SLC25A18: variants seen among roughly 807,000 people sequenced by gnomAD.
SLC25A18 encodes solute carrier family 25 member 18.
SLC25A18 carries 24 observed loss-of-function variants against 31.1 expected under a neutral mutation model. The observed-to-expected ratio is 0.77, with a 90% CI of 0.56 to 1.08. The LOEUF is 1.08. Among genes scored for constraint, SLC25A18 ranks in the 50% least tolerant of loss-of-function variants. SLC25A18 has a pLI of 0.00. For missense variants in SLC25A18, 371 were observed against 418.5 expected, an observed-to-expected ratio of 0.89 and a Z score of 0.99; for synonymous variants, 173 against 161.9, an observed-to-expected ratio of 1.07 and a Z score of -0.52.
intron 1 of SLC25A18, among the ~76,000 whole-genome samples, chr22:17,564,141 G>A (rs1247404240): frequency 6.6e-6 from 1 of 152,222 alleles, no homozygotes; most frequent in Non-Finnish European, 1.5e-5. Flanking sequence ...TGCAGCGCAA[G>A]TAATTATGTC....
At chr22:17,565,168 C>T (rs1396503937) in intron 1 of SLC25A18, among the ~76,000 whole-genome samples, 2 of 152,040 alleles carry the variant, frequency 1.3e-5, no homozygotes, top group Non-Finnish European at 2.9e-5. Flanking sequence ...TAAACTCCGC[C>T]CCCCCGGGTT....
chr22:17,590,300 A>C lies in SLC25A18; in HGVS notation c.*64A>C. ...TCTCTAGCTGTTTCACTTAGCCTAG[A>C]GGGGGCAAGGGCAGGTGGGGCCACT... is the stretch of plus-strand genomic sequence containing the variant. On this transcript the variant is annotated 3_prime_UTR_variant, in exon 11 of 11. Coordinates refer to ENST00000327451, the MANE Select transcript of SLC25A18 (RefSeq NM_031481.3). The C allele has an allele frequency of 6.2e-7, 1 of 1,603,806 alleles. No individual in the cohort carries two copies. The highest frequency in any genetic ancestry group is 8.5e-7 in the Non-Finnish European group (1 of 1,173,766).
At chr22:17,581,642 A>T in intron 5 of SLC25A18, 1 of 553,640 alleles carries the variant, frequency 1.8e-6, no homozygotes, top group Non-Finnish European at 3.2e-6. Context: ...AGAGCAGGCG[A>T]GCCCTCCCTA....
intron 2 of SLC25A18, among the ~76,000 whole-genome samples, chr22:17,576,853 G>T (rs1054636062): frequency 1.3e-5 from 2 of 152,168 alleles, no homozygotes; most frequent in Non-Finnish European, 2.9e-5. Flanking sequence ...TGGGATTAGG[G>T]TGTCCCTAAT....
chr22:17,585,590 T>C (rs997576791), intron 7 of SLC25A18, among the ~76,000 whole-genome samples: 2 of 151,682 alleles, frequency 1.3e-5, no homozygotes, highest in Non-Finnish European at 2.9e-5. Flanking sequence ...AATCCCATGG[T>C]TATTAATGGG....
At chr22:17,578,642 T>C (rs971661220) in intron 2 of SLC25A18, among the ~76,000 whole-genome samples, 2 of 152,184 alleles carry the variant, frequency 1.3e-5, no homozygotes, top group African/African-American at 4.8e-5. Context: ...TAAAGCAGCC[T>C]CACTCTGGCC....
In SLC25A18 at chr22:17,587,265, CTGGGCTCTACAGGGGCCTGGG is replaced by C. The variant is rs1431243039; in HGVS notation, c.542_562del (p.Gly181_Gly187del). 6.2e-7 allele frequency: 1 copy of C among 1,613,690 alleles called. No individual in the cohort carries two copies. The highest frequency in any genetic ancestry group is 1.3e-5 in the African/African-American group (1 of 74,940). ...GAGCTGCTCCGCACTCAGGGCCTGG[CTGGGCTCTACAGGGGCCTGGG>C]TGCCACTCTCCTCAGGTGAGCCTTT... On this transcript the variant is annotated inframe_deletion, in exon 8 of 11. Coordinates refer to ENST00000327451, the MANE Select transcript of SLC25A18 (RefSeq NM_031481.3).
Position 17,590,358 on chromosome 22 carries a change from A to T in SLC25A18, c.*122A>T. 8.3e-7 allele frequency: 1 copy of T among 1,201,884 alleles called. No homozygotes were observed. Among genetic ancestry groups the T allele is most frequent in the Non-Finnish European group, 1.2e-6 (1 of 856,754 alleles). 74.5% of individuals were successfully genotyped at this position (1,201,884 alleles called of 1,614,324 possible). A position where few individuals can be genotyped will look rare whatever the true frequency, so the allele number is the denominator to read the frequency against. On this transcript the variant is annotated 3_prime_UTR_variant, in exon 11 of 11. Coordinates refer to ENST00000327451, the MANE Select transcript of SLC25A18 (RefSeq NM_031481.3). ...GCCTGGTCCTCTGCGTTGTAGTGCTACCTCAATCTCGGGAGAAACAGCCCT... is the reference window on the plus strand; with the variant it reads ...GCCTGGTCCTCTGCGTTGTAGTGCTTCCTCAATCTCGGGAGAAACAGCCCT...
chr22:17,563,506 C>G lies in SLC25A18; in HGVS notation c.-471C>G, dbSNP rs552942023. ...TCCTGGATTTGGACTTCATTCTGGA[C>G]AGCATATGACAAGGACGAGGACCCC... On this transcript the variant is annotated 5_prime_UTR_variant, in exon 1 of 11. Coordinates refer to ENST00000327451, the MANE Select transcript of SLC25A18 (RefSeq NM_031481.3). The G allele has an allele frequency of 2.2e-5, 4 of 180,420 alleles. No individual in the cohort carries two copies. The highest frequency in any genetic ancestry group is 4.3e-5 in the Non-Finnish European group (4 of 93,946). The allele number at this position is 180,420 out of a possible 1,614,324, so 11.2% of individuals were successfully genotyped here. A position where few individuals can be genotyped will look rare whatever the true frequency, so the allele number is the denominator to read the frequency against.
intron 6 of SLC25A18, among the ~76,000 whole-genome samples, chr22:17,582,865 A>G (rs373461196): frequency 2.6e-4 from 40 of 152,218 alleles, no homozygotes; most frequent in African/African-American, 9.6e-4. Flanking sequence ...TAATATAGAG[A>G]ACATATAGCA....
rs112090050 is a variant in SLC25A18 at position 17,579,972 on chromosome 22, C to G, written c.20+8C>G. On this transcript the variant is annotated splice_region_variant and intron_variant, in intron 3 of 10. Transcript: ENST00000327451. ...GACCCACCAGGATCTGAGGTGAGCT[C>G]GGCTGGGGCAGCCTGAGGCCCTGGG... The G allele has an allele frequency of 4.3e-4, 695 of 1,609,700 alleles. 1 individual carries two copies. The African/African-American group carries it at 7.4e-3, about 17-fold the overall frequency.
At chr22:17,581,713 G>A in intron 5 of SLC25A18, 1 of 389,206 alleles carries the variant, frequency 2.6e-6, no homozygotes, top group South Asian at 3.9e-5. Context: ...GGGACTGAGG[G>A]ACGGGGCCTG....
intron 1 of SLC25A18, among the ~76,000 whole-genome samples, chr22:17,568,555 C>CTTTTTTTTTTTTT (rs695361): frequency 1.6e-5 from 1 of 62,550 alleles, no homozygotes; most frequent in South Asian, 7.5e-4. Flanking sequence ...TAAAGTACAT[C>CTTTTTTTTTTTTT]TTTTTTTTTT....
chr22:17,565,668 G>C (rs2056918429), intron 1 of SLC25A18, among the ~76,000 whole-genome samples: 1 of 151,846 alleles, frequency 6.6e-6, no homozygotes, highest in Non-Finnish European at 1.5e-5. Flanking sequence ...GGGAGTTCAA[G>C]ACCAGCCTGA....
chr22:17,585,650 A>ATTTT (rs143835144), intron 7 of SLC25A18, among the ~76,000 whole-genome samples: 46 of 137,214 alleles, frequency 3.4e-4, no homozygotes, highest in African/African-American at 1.3e-3. Flanking sequence ...TATTATTATT[A>ATTTT]TTTTTTTTTT....
intron 2 of SLC25A18, among the ~76,000 whole-genome samples, chr22:17,572,785 G>A (rs983398381): frequency 6.8e-6 from 1 of 147,350 alleles, no homozygotes; most frequent in Non-Finnish European, 1.5e-5. Flanking sequence ...GGGACTACAG[G>A]CGCCCGCCAC....
intron 1 of SLC25A18, among the ~76,000 whole-genome samples, chr22:17,566,715 C>G (rs1257618312): frequency 6.6e-6 from 1 of 152,036 alleles, no homozygotes; most frequent in African/African-American, 2.4e-5. Context: ...CCTGGCCCAG[C>G]CTGTCATTTT....
intron 8 of SLC25A18, 119 bp from the exon 9 acceptor site, chr22:17,587,806 G>A (rs2057595561): frequency 4.1e-6 from 5 of 1,231,458 alleles, no homozygotes; most frequent in Admixed American, 4.3e-5. Context: ...AAGAAGGGAT[G>A]AGTCCCCGTG....
At chr22:17,569,164 A>G (rs1215860961) in intron 1 of SLC25A18, among the ~76,000 whole-genome samples, 2 of 151,424 alleles carry the variant, frequency 1.3e-5, no homozygotes, top group Admixed American at 1.3e-4. Flanking sequence ...GCCCGCCACC[A>G]CGCCCAGCTA....
Sources: allele counts gnomAD v4.1 joint callset (sites outside exome capture counted in the v4.1 genomes callset), GRCh38; gene constraint gnomAD v4.1.1; transcripts MANE v1.5; gene names NCBI Gene and HGNC (gene_info 2026-07-23, HGNC 2026-07-21).